USP25: variants seen among roughly 807,000 people sequenced by gnomAD.
The protein encoded by USP25 is ubiquitin carboxyl-terminal hydrolase 25.
A neutral mutation model predicts 158.5 loss-of-function variants in USP25; 85 were observed. That is an observed-to-expected ratio of 0.54 (90% CI 0.45 to 0.64). USP25 has a LOEUF of 0.64. Among genes scored for constraint, USP25 ranks in the 30% least tolerant of loss-of-function variants. The pLI is 0.00. For missense variants in USP25, 1,242 were observed against 1,327.3 expected (o/e 0.94, Z 1.00); for synonymous variants, 464 against 460.4 (o/e 1.01, Z -0.10).
chr21:15,762,693 G>A (rs911684433), intron 1 of USP25, among the ~76,000 whole-genome samples, 198 bp from the exon 2 acceptor site: 3 of 152,070 alleles, frequency 2.0e-5, no homozygotes, highest in Non-Finnish European at 4.4e-5. Context: ...AATGAAATAA[G>A]GGTTCTCCAC....
intron 8 of USP25, 148 bp downstream of exon 8, chr21:15,809,033 G>A (rs1955588092): frequency 1.7e-6 from 1 of 582,732 alleles, no homozygotes; most frequent in Non-Finnish European, 2.7e-6. Flanking sequence ...GAATTTGCAG[G>A]CACAAATAAT....
intron 1 of USP25, among the ~76,000 whole-genome samples, chr21:15,755,110 G>A (rs555531509): frequency 7.2e-5 from 11 of 151,762 alleles, no homozygotes; most frequent in South Asian, 2.1e-4. Flanking sequence ...TTAGCAGTGC[G>A]TGTGATTCTG....
At chr21:15,760,278 G>T (rs1361874477) in intron 1 of USP25, among the ~76,000 whole-genome samples, 2 of 152,322 alleles carry the variant, frequency 1.3e-5, no homozygotes, top group Non-Finnish European at 1.5e-5. Context: ...GACACCTTTT[G>T]TCCTTTGCCC....
intron 17 of USP25, among the ~76,000 whole-genome samples, chr21:15,841,244 C>T (rs927947596): frequency 1.2e-4 from 19 of 152,114 alleles, no homozygotes; most frequent in African/African-American, 4.3e-4. Flanking sequence ...TTGATTCTAG[C>T]CAATTTTGTG....
chr21:15,801,636 G>A (rs2036140407), intron 6 of USP25, among the ~76,000 whole-genome samples: 1 of 151,482 alleles, frequency 6.6e-6, no homozygotes. Context: ...TTTAAAAAAG[G>A]CGTGAGTGTA....
chr21:15,811,127 C>G lies in USP25; in HGVS notation c.858-10C>G, dbSNP rs373175017. 4.1e-5 allele frequency: 66 copies of G among 1,599,408 alleles called. No individual in the cohort carries two copies. Among genetic ancestry groups the G allele is most frequent in the African/African-American group, 6.8e-5 (5 of 73,816 alleles). ...TTGTAATCACATTTATATTTTTTAA[C>G]ATACTTTAGGGATGAAGAGAAGCCA... On this transcript the variant is annotated splice_polypyrimidine_tract_variant and intron_variant, in intron 8 of 25. Coordinates refer to ENST00000400183, the MANE Select transcript of USP25 (RefSeq NM_001283041.3).
intron 20 of USP25, among the ~76,000 whole-genome samples, chr21:15,851,753 C>G (rs2038898523): frequency 6.6e-6 from 1 of 151,836 alleles, no homozygotes; most frequent in African/African-American, 2.4e-5. Flanking sequence ...CTCATTCTGC[C>G]TTTACCAGTT....
At chr21:15,834,683 G>A (rs2037975790) in intron 17 of USP25, among the ~76,000 whole-genome samples, 1 of 152,204 alleles carries the variant, frequency 6.6e-6, no homozygotes, top group Non-Finnish European at 1.5e-5. Context: ...TTATTTTCAT[G>A]TAGATCAAAT....
intron 4 of USP25, among the ~76,000 whole-genome samples, chr21:15,791,061 A>G (rs1218946073): frequency 6.6e-6 from 1 of 151,908 alleles, no homozygotes; most frequent in Non-Finnish European, 1.5e-5. Flanking sequence ...TTTGTAGAAG[A>G]AGAACTAAGT....
At chr21:15,832,976 T>G (rs1390809594) in intron 16 of USP25, among the ~76,000 whole-genome samples, 1 of 151,946 alleles carries the variant, frequency 6.6e-6, no homozygotes, top group Non-Finnish European at 1.5e-5. Flanking sequence ...CGAGATTGTG[T>G]CACTGCACTC....
At chr21:15,847,642 A>G in intron 18 of USP25, 21 bp from the exon 19 acceptor site, 1 of 1,490,248 alleles carries the variant, frequency 6.7e-7, no homozygotes, top group Non-Finnish European at 9.2e-7. Context: ...TAATGTTTAT[A>G]TTAATGATTT....
At chr21:15,842,661 G>T (rs2038396338) in intron 18 of USP25, 121 bp downstream of exon 18, 1 of 1,247,934 alleles carries the variant, frequency 8.0e-7, no homozygotes, top group Non-Finnish European at 1.1e-6. Flanking sequence ...CTCTGCCATG[G>T]GCATGATCAG....
At chr21:15,790,540 C>G (rs1395513196) in intron 4 of USP25, among the ~76,000 whole-genome samples, 1 of 151,480 alleles carries the variant, frequency 6.6e-6, no homozygotes, top group African/African-American at 2.4e-5. Context: ...TCTTGATAAA[C>G]CAAAAAGTTG....
chr21:15,862,490 A>C (rs191674504), intron 20 of USP25, among the ~76,000 whole-genome samples: 73 of 152,082 alleles, frequency 4.8e-4, no homozygotes, highest in African/African-American at 1.6e-3. Context: ...CAACAAGAAC[A>C]GTAATTGAAT....
At chr21:15,821,100 G>A (rs2037211400) in intron 10 of USP25, among the ~76,000 whole-genome samples, 3 of 151,934 alleles carry the variant, frequency 2.0e-5, no homozygotes, top group African/African-American at 7.2e-5. Context: ...ATTTCAGATA[G>A]TAAATACTTC....
Position 15,830,511 on chromosome 21 carries a change from A to C in USP25, c.1694-20A>C, listed in dbSNP as rs202079876. ...AAACACATTTGCTGTTAATCATTAA[A>C]TGACACCTTATATCCTTAGATTTGC... On this transcript the variant is annotated intron_variant, in intron 14 of 25. Transcript: ENST00000400183. 8 of 1,584,822 alleles carry C rather than the reference A, an allele frequency of 5.0e-6. No individual in the cohort carries two copies. Among genetic ancestry groups the C allele is most frequent in the Non-Finnish European group, 6.9e-6 (8 of 1,166,578 alleles).
At chr21:15,748,440 C>G (rs1011820816) in intron 1 of USP25, among the ~76,000 whole-genome samples, 1 of 150,914 alleles carries the variant, frequency 6.6e-6, no homozygotes, top group African/African-American at 2.4e-5. Flanking sequence ...TACCATCCAC[C>G]CAGCTACTTT....
chr21:15,732,595 A>G (rs954247836), intron 1 of USP25, among the ~76,000 whole-genome samples: 3 of 152,216 alleles, frequency 2.0e-5, no homozygotes, highest in African/African-American at 2.4e-5. Context: ...TGCATAGCCA[A>G]CATTTTAGCC....
intron 1 of USP25, among the ~76,000 whole-genome samples, chr21:15,754,053 A>G (rs2033213268): frequency 6.6e-6 from 1 of 152,328 alleles, no homozygotes; most frequent in African/African-American, 2.4e-5. Context: ...TACTTTTTCT[A>G]ATGTAGATTT....
Sources: allele counts gnomAD v4.1 joint callset (sites outside exome capture counted in the v4.1 genomes callset), GRCh38; gene constraint gnomAD v4.1.1; transcripts MANE v1.5; gene names NCBI Gene and HGNC (gene_info 2026-07-23, HGNC 2026-07-21).